METTL21C: variants seen among roughly 807,000 people sequenced by gnomAD.
The protein encoded by METTL21C is protein-lysine methyltransferase METTL21C.
A neutral mutation model predicts 25.9 loss-of-function variants in METTL21C; 21 were observed. The ratio of observed to expected loss-of-function variants is 0.81; its 90% CI spans 0.58 to 1.17. METTL21C has a LOEUF of 1.17. Ranked by LOEUF, METTL21C falls within the 50% of genes most tolerant of loss-of-function variation. The pLI is 0.00. For missense variants in METTL21C, 312 were observed against 315.1 expected (o/e 0.99, Z 0.07); for synonymous variants, 125 against 124.7 (o/e 1.00, Z -0.01).
chr13:102,695,774 C>A (rs9585962), upstream of METTL21C, among the ~76,000 whole-genome samples: 14,963 of 152,208 alleles, frequency 0.098, 2,214 homozygotes, highest in African/African-American at 0.31. Flanking sequence ...TCCCCAAATG[C>A]ATCTAGTTCT....
upstream of METTL21C, among the ~76,000 whole-genome samples, chr13:102,696,479 C>G (rs1885949350): frequency 6.6e-6 from 1 of 151,990 alleles, no homozygotes; most frequent in African/African-American, 2.4e-5. Context: ...CAAACCTGCA[C>G]ATTCTGCATG....
the METTL21C span, among the ~76,000 whole-genome samples, chr13:102,700,588 A>G: frequency 6.6e-6 from 1 of 152,216 alleles, no homozygotes; most frequent in South Asian, 2.1e-4. Context: ...ACAAGTTTGG[A>G]TGAGAAAGTC....
rs1259347327 is a variant in METTL21C, at chr13:102,685,747, T to C, written c.*284A>G. 4 of 296,234 alleles carry C rather than the reference T, an allele frequency of 1.4e-5. No homozygotes were observed. Among genetic ancestry groups the C allele is most frequent in the Admixed American group, 9.3e-5 (2 of 21,556 alleles). The allele number at this position is 296,234 out of a possible 1,614,324, so 18.4% of individuals were successfully genotyped here. On this transcript the variant is annotated 3_prime_UTR_variant, in exon 4 of 4. Coordinates refer to ENST00000267273, the MANE Select transcript of METTL21C (RefSeq NM_001010977.3). ...CAGAAATAGGGAAGAAATTCACTTA[T>C]TACTTTATCCATGTAAGATTTATTA...
intron 2 of METTL21C, 53 bp downstream of exon 2, chr13:102,690,760 C>G: frequency 1.3e-6 from 2 of 1,588,332 alleles, no homozygotes; most frequent in Non-Finnish European, 1.7e-6. Flanking sequence ...CTCTGAAGTA[C>G]GGAATTGTTA....
chr13:102,690,848 A>G lies in METTL21C; in HGVS notation c.247T>C (p.Ser83Pro). ...FAGKEIVIQE[S>P]IESYGAVVWP... is the part of the protein sequence containing the mutation. Reference sequence around the variant, plus strand: ...ACCACCGCTCCGTAACTCTCTATGGATTCCTGGATGACAATCTCCTTTCCT... The same window carrying G: ...ACCACCGCTCCGTAACTCTCTATGGGTTCCTGGATGACAATCTCCTTTCCT... The change falls in exon 2 of 4, where the codon TCC (serine) becomes CCC (proline). Residue 83 changes from serine (S) to proline (P), a missense_variant. Coordinates refer to ENST00000267273, the MANE Select transcript of METTL21C (RefSeq NM_001010977.3). The G allele has an allele frequency of 6.2e-7, 1 of 1,614,154 alleles. No homozygotes were observed. The highest frequency in any genetic ancestry group is 8.5e-7 in the Non-Finnish European group (1 of 1,180,022).
chr13:102,686,258 C>T lies in METTL21C; in HGVS notation c.568G>A (p.Val190Ile), dbSNP rs150348225. Residue 190 changes from valine (V) to isoleucine (I), a missense_variant, in exon 4 of 4, where the codon GTC becomes ATC. Transcript: ENST00000267273. ...TGGTAGACCACATCTGAGGCTAGGACGTAATCATAGTAAAAAGCTGACTTG... is the reference window on the plus strand; with the variant it reads ...TGGTAGACCACATCTGAGGCTAGGATGTAATCATAGTAAAAAGCTGACTTG... ...FPKSAFYYDY[V>I]LASDVVYHHY... 3.6e-4 allele frequency: 579 copies of T among 1,614,182 alleles called. 4 individuals are homozygous for T. In the African/African-American group the frequency reaches 6.4e-3, roughly 18 times the overall value.
At chr13:102,700,366 A>G in the METTL21C span, among the ~76,000 whole-genome samples, 1 of 152,240 alleles carries the variant, frequency 6.6e-6, no homozygotes, top group South Asian at 2.1e-4. Context: ...GTTCGCTTCT[A>G]TTTTTTATTT....
chr13:102,702,995 A>C, the METTL21C span, among the ~76,000 whole-genome samples: 1 of 152,212 alleles, frequency 6.6e-6, no homozygotes, highest in African/African-American at 2.4e-5. Flanking sequence ...CATGGAATAA[A>C]ATATATTGAA....
chr13:102,698,241 C>A (rs1188805300), upstream of METTL21C, among the ~76,000 whole-genome samples: 1 of 152,128 alleles, frequency 6.6e-6, no homozygotes, highest in African/African-American at 2.4e-5. Flanking sequence ...GATCACTCAC[C>A]TAATCATATG....
At chr13:102,702,893 A>C in the METTL21C span, among the ~76,000 whole-genome samples, 2 of 152,312 alleles carry the variant, frequency 1.3e-5, no homozygotes, top group African/African-American at 2.4e-5. Context: ...AACCAACCCC[A>C]AAAACAGCAT....
At chr13:102,686,740 T>G (rs183844569) in intron 3 of METTL21C, among the ~76,000 whole-genome samples, 200 bp downstream of exon 3, 45 of 152,318 alleles carry the variant, frequency 3.0e-4, no homozygotes, top group African/African-American at 1.1e-3. Flanking sequence ...GGAAACTGGT[T>G]GATTGGAGTT....
chr13:102,696,983 C>G (rs1055117129), upstream of METTL21C, among the ~76,000 whole-genome samples: 1 of 152,080 alleles, frequency 6.6e-6, no homozygotes, highest in Admixed American at 6.5e-5. Flanking sequence ...GAAGTGCAGC[C>G]GGTGAAAAGG....
intron 1 of METTL21C, among the ~76,000 whole-genome samples, chr13:102,692,291 C>A (rs1034523811): frequency 3.3e-5 from 5 of 151,840 alleles, no homozygotes; most frequent in African/African-American, 1.2e-4. Flanking sequence ...TCCCTCAGGT[C>A]GGGGGCAGGG....
At chr13:102,686,909 TG>T in intron 3 of METTL21C, 30 bp downstream of exon 3, 1 of 1,540,204 alleles carries the variant, frequency 6.5e-7, no homozygotes, top group Non-Finnish European at 9.0e-7. Context: ...AGTAAAGATC[TG>T]GATACTAGGT....
the METTL21C span, among the ~76,000 whole-genome samples, chr13:102,701,686 C>T: frequency 1.3e-5 from 2 of 152,124 alleles, no homozygotes; most frequent in African/African-American, 2.4e-5. Flanking sequence ...GATTATTCTA[C>T]GAGCATGAAG....
At chr13:102,701,943 T>G in the METTL21C span, among the ~76,000 whole-genome samples, 1 of 151,978 alleles carries the variant, frequency 6.6e-6, no homozygotes, top group African/African-American at 2.4e-5. Flanking sequence ...GGCGGGCAAA[T>G]CACTTGAGAT....
chr13:102,704,074 G>A, the METTL21C span, among the ~76,000 whole-genome samples: 57 of 152,264 alleles, frequency 3.7e-4, no homozygotes, highest in Non-Finnish European at 6.9e-4. Context: ...TTAAATTGCC[G>A]TAACTCATAA....
In METTL21C at chr13:102,694,441, A is replaced by T. The variant is rs543638998; in HGVS notation, c.58T>A (p.Ser20Thr). ...QPGRRGEGLS[S>T]PGGWLEAEKK... ...TCAGCCTCTAACCAGCCACCCGGGG[A>T]GCTGAGTCCTTCCCCCCGGCGCCCA... Residue 20 changes from serine to threonine, a missense_variant, in exon 1 of 4, where the codon TCC becomes ACC. Coordinates refer to ENST00000267273, the MANE Select transcript of METTL21C (RefSeq NM_001010977.3). 2.0e-6 allele frequency: 3 copies of T among 1,464,186 alleles called. No homozygotes were observed. Among genetic ancestry groups the T allele is most frequent in the Non-Finnish European group, 2.7e-6 (3 of 1,114,222 alleles). 90.7% of individuals were successfully genotyped at this position (1,464,186 alleles called of 1,614,324 possible). A position where few individuals can be genotyped will look rare whatever the true frequency, so the allele number is the denominator to read the frequency against.
Position 102,686,164 on chromosome 13 carries a change from C to G in METTL21C, c.662G>C (p.Trp221Ser). The G allele has an allele frequency of 1.2e-6, 2 of 1,614,124 alleles. No homozygotes were observed. Among genetic ancestry groups the G allele is most frequent in the Non-Finnish European group, 8.5e-7 (1 of 1,180,022 alleles). The change falls in exon 4 of 4, where the codon TGG (tryptophan) becomes TCG (serine). Residue 221 changes from tryptophan to serine, a missense_variant. Transcript: ENST00000267273. Reference sequence around the variant, plus strand: ...GGTGCTGAACCTGAATTTGTTTGCCCAAAGCAGCACCGTCCCTGGCTGGGA... The same window carrying G: ...GGTGCTGAACCTGAATTTGTTTGCCGAAAGCAGCACCGTCCCTGGCTGGGA... ...YLSQPGTVLL[W>S]ANKFRFSTDY...
Sources: gnomAD v4.1 joint callset for allele counts (sites outside exome capture counted in the v4.1 genomes callset) on GRCh38, gnomAD v4.1.1 for gene constraint, MANE v1.5 for transcripts, NCBI Gene and HGNC (gene_info 2026-07-23, HGNC 2026-07-21) for gene names.